Variants in ZNF148 observed in about 807,000 individuals in gnomAD.
ZNF148 encodes the protein Beta-Enolase Repressor Factor-1.
In ZNF148, 7 loss-of-function variants were observed where a neutral mutation model predicts 67.7. That is an observed-to-expected ratio of 0.10 (90% CI 0.06 to 0.19). ZNF148 has a LOEUF of 0.19. Ranked by LOEUF, ZNF148 falls within the 10% of genes least tolerant of loss-of-function variation. The pLI is 1.00. For synonymous variants in ZNF148, 333 were observed against 330.7 expected (o/e 1.01, Z -0.08); for missense variants, 583 against 947.1 (o/e 0.62, Z 5.05).
intron 1 of ZNF148, among the ~76,000 whole-genome samples, chr3:125,342,983 C>T (rs1178999299): frequency 6.6e-6 from 1 of 152,172 alleles, no homozygotes; most frequent in Non-Finnish European, 1.5e-5. Flanking sequence ...ATAAATAAGT[C>T]AAGATGGAAT....
intron 7 of ZNF148, among the ~76,000 whole-genome samples, chr3:125,237,272 C>T (rs1011979486): frequency 2.6e-5 from 4 of 152,240 alleles, no homozygotes; most frequent in Admixed American, 2.0e-4. Flanking sequence ...AGAAAGAATA[C>T]GTGCAAATTT....
At chr3:125,282,214 C>A (rs917358676) in intron 5 of ZNF148, among the ~76,000 whole-genome samples, 2 of 152,148 alleles carry the variant, frequency 1.3e-5, no homozygotes, top group Non-Finnish European at 2.9e-5. Flanking sequence ...AAATTTTCTT[C>A]CCCGGTATAG....
intron 4 of ZNF148, among the ~76,000 whole-genome samples, chr3:125,293,681 C>A (rs1467256148): frequency 6.6e-6 from 1 of 152,042 alleles, no homozygotes; most frequent in African/African-American, 2.4e-5. Context: ...TGGATTATAA[C>A]CCACAGAATA....
At chr3:125,350,378 G>A (rs536332831) in intron 1 of ZNF148, among the ~76,000 whole-genome samples, 12 of 152,084 alleles carry the variant, frequency 7.9e-5, no homozygotes, top group Admixed American at 1.3e-4. Flanking sequence ...TTGGCCAGGC[G>A]GGTCTCAAAC....
Position 125,282,361 on chromosome 3 carries a change from C to T in ZNF148, c.460-3114G>A, listed in dbSNP as rs147963946. ...TAAAACATCTTTGCTTTTCTTTTTT[C>T]CCCAACATATGGACACCATTACAAC... On this transcript the variant is annotated intron_variant, in intron 5 of 8. Coordinates refer to ENST00000360647, the MANE Select transcript of ZNF148 (RefSeq NM_021964.3). Among the ~76,000 whole-genome samples the T allele has an allele frequency of 1.1e-3, 170 of 152,170 alleles. 2 individuals are homozygous for T. In the East Asian group the frequency reaches 0.026, roughly 23 times the overall value.
chr3:125,370,684 G>C (rs1942851261), intron 1 of ZNF148, among the ~76,000 whole-genome samples: 1 of 152,266 alleles, frequency 6.6e-6, no homozygotes, highest in South Asian at 2.1e-4. Context: ...ATCCACCATA[G>C]TGATTTGCAC....
intron 1 of ZNF148, among the ~76,000 whole-genome samples, chr3:125,355,093 G>A (rs938775236): frequency 6.6e-6 from 1 of 152,130 alleles, no homozygotes; most frequent in African/African-American, 2.4e-5. Flanking sequence ...CATACTGAAG[G>A]AGTTATACTT....
intron 4 of ZNF148, among the ~76,000 whole-genome samples, chr3:125,304,150 C>CA (rs1395131122): frequency 6.6e-6 from 1 of 152,118 alleles, no homozygotes; most frequent in Admixed American, 6.5e-5. Flanking sequence ...AACAAGGTGT[C>CA]AGATACCAGA....
rs752542874 is a variant in ZNF148, at chr3:125,317,662, T to TATATATAGAGAGAGAGAGAGAGAGAG, written c.-16-4007_-16-4006insCTCTCTCTCTCTCTCTCTCTATATAT. 8.1e-3 allele frequency among the ~76,000 whole-genome samples: 729 copies of TATATATAGAGAGAGAGAGAGAGAGAG among 89,868 alleles called. 6 individuals carry two copies. Among genetic ancestry groups the TATATATAGAGAGAGAGAGAGAGAGAG allele is most frequent in the Non-Finnish European group, 0.011 (501 of 45,782 alleles). The allele number at this position is 89,868 out of a possible 152,430, so 59.0% of individuals were successfully genotyped here. ...GATCTTTTATATATATATATATATA[T>TATATATAGAGAGAGAGAGAGAGAGAG]AGAGAGAGAGAGAGAGAAATACATA... is the stretch of plus-strand genomic sequence containing the variant. On this transcript the variant is annotated intron_variant, in intron 3 of 8. Coordinates refer to ENST00000360647, the MANE Select transcript of ZNF148 (RefSeq NM_021964.3).
rs1942743272 is a variant in ZNF148, at chr3:125,367,691, C to T, written c.-234+7411G>A. Among the ~76,000 whole-genome samples the T allele has an allele frequency of 2.0e-5, 3 of 152,320 alleles. No homozygotes were observed. The South Asian group carries it at 6.2e-4, about 32-fold the overall frequency. The stretch of plus-strand genomic sequence containing the variant: ...GTCTACTGGACACATGCCCTCAGTT[C>T]TGTCTATTCTATTCCGTAATTCAGA... On this transcript the variant is annotated intron_variant, in intron 1 of 8. Transcript: ENST00000360647.
At chr3:125,351,284 A>T (rs2107758583) in intron 1 of ZNF148, among the ~76,000 whole-genome samples, 1 of 147,574 alleles carries the variant, frequency 6.8e-6, no homozygotes. Context: ...CAGAAGGCTG[A>T]GGCGAGAAGC....
At chr3:125,303,924 G>A (rs972421555) in intron 4 of ZNF148, among the ~76,000 whole-genome samples, 53 of 152,192 alleles carry the variant, frequency 3.5e-4, no homozygotes, top group African/African-American at 1.2e-3. Flanking sequence ...ACATTGCAGT[G>A]TATTTATATA....
chr3:125,340,735 C>T (rs1941679633), intron 1 of ZNF148, among the ~76,000 whole-genome samples: 1 of 151,952 alleles, frequency 6.6e-6, no homozygotes, highest in Non-Finnish European at 1.5e-5. Flanking sequence ...GCCTGTAATC[C>T]CAGCACTTTG....
At chr3:125,264,267 G>A (rs1031207310) in intron 7 of ZNF148, among the ~76,000 whole-genome samples, 1 of 152,202 alleles carries the variant, frequency 6.6e-6, no homozygotes, top group African/African-American at 2.4e-5. Context: ...AGAAGTACAA[G>A]AGGCCTAAAC....
chr3:125,306,783 C>A (rs1939901816), intron 4 of ZNF148, among the ~76,000 whole-genome samples: 1 of 151,932 alleles, frequency 6.6e-6, no homozygotes, highest in Non-Finnish European at 1.5e-5. Flanking sequence ...TCATTTAAGC[C>A]TAAGAGGTTG....
chr3:125,281,489 C>T (rs554721096), intron 5 of ZNF148, among the ~76,000 whole-genome samples: 1 of 152,108 alleles, frequency 6.6e-6, no homozygotes, highest in Admixed American at 6.5e-5. Flanking sequence ...ATAAGAAAAT[C>T]CAACTGCCAA....
chr3:125,307,296 T>A (rs1380228186), intron 4 of ZNF148, among the ~76,000 whole-genome samples: 1 of 136,380 alleles, frequency 7.3e-6, no homozygotes, highest in East Asian at 2.0e-4. Context: ...TGAAGTTAAA[T>A]ATCCATTCAT....
rs914927198 is a variant in ZNF148, at chr3:125,250,874, G to A, written c.668-16545C>T. The stretch of plus-strand genomic sequence containing the variant: ...ATCCAGGAACAAATTGTCTGCGTCT[G>A]CTTTCTATTCCTATAGTTTATCTTA... On this transcript the variant is annotated intron_variant, in intron 7 of 8. Coordinates refer to ENST00000360647, the MANE Select transcript of ZNF148 (RefSeq NM_021964.3). Among the ~76,000 whole-genome samples the A allele has an allele frequency of 1.7e-4, 21 of 123,368 alleles. 1 individual carries two copies. The highest frequency in any genetic ancestry group is 6.0e-4 in the African/African-American group (20 of 33,146). The allele number at this position is 123,368 out of a possible 152,430, so 80.9% of individuals were successfully genotyped here. A position where few individuals can be genotyped will look rare whatever the true frequency, so the allele number is the denominator to read the frequency against.
chr3:125,348,959 A>G (rs1226990534), intron 1 of ZNF148, among the ~76,000 whole-genome samples: 1 of 152,226 alleles, frequency 6.6e-6, no homozygotes, highest in Admixed American at 6.5e-5. Context: ...GATCTTCAAG[A>G]AAGGTGCCAA....
Sources: allele counts gnomAD v4.1 joint callset (sites outside exome capture counted in the v4.1 genomes callset), GRCh38; gene constraint gnomAD v4.1.1; transcripts MANE v1.5; gene names NCBI Gene and HGNC (gene_info 2026-07-23, HGNC 2026-07-21).